Variants in VWDE observed in about 807,000 individuals in gnomAD.
VWDE encodes von Willebrand factor D and EGF domain-containing protein.
Under a neutral mutation model 178.4 loss-of-function variants are expected in VWDE, and 207 were observed. That is an observed-to-expected ratio of 1.16 (90% CI 1.04 to 1.30). The LOEUF (loss-of-function observed/expected upper bound fraction) is 1.30. Among genes scored for constraint, VWDE ranks in the 50% most tolerant of loss-of-function variants. The pLI is 0.00. For synonymous variants in VWDE, 738 were observed against 651.4 expected, an observed-to-expected ratio of 1.13 and a Z score of -2.02; for missense variants, 2,287 against 1,901.3, an observed-to-expected ratio of 1.20 and a Z score of -3.77.
At chr7:12,345,571 A>T (rs1781558830) in intron 19 of VWDE, among the ~76,000 whole-genome samples, 1 of 152,142 alleles carries the variant, frequency 6.6e-6, no homozygotes, top group African/African-American at 2.4e-5. Flanking sequence ...AGATGACACA[A>T]ACTCATCTTC....
chr7:12,368,151 T>G (rs1387539099), intron 12 of VWDE, among the ~76,000 whole-genome samples: 3 of 150,240 alleles, frequency 2.0e-5, no homozygotes, highest in Non-Finnish European at 4.4e-5. Context: ...TTTATTTATC[T>G]GTTGCTATTC....
chr7:12,347,359 T>A (rs1383876077), intron 19 of VWDE, among the ~76,000 whole-genome samples: 3 of 152,168 alleles, frequency 2.0e-5, no homozygotes, highest in Non-Finnish European at 4.4e-5. Flanking sequence ...AGCAAATGTA[T>A]GTTAGTAAAG....
rs1344118100 is a variant in VWDE at position 12,356,251 on chromosome 7, T to G, written c.3605A>C (p.Tyr1202Ser). ...GAAGCCAGGCAAGCAGACACACAGGTACACTCCACTCCCTGGAGAAAAGTT... is the reference window on the plus strand; with the variant it reads ...GAAGCCAGGCAAGCAGACACACAGGGACACTCCACTCCCTGGAGAAAAGTT... ...DRNFSPGSGV[Y>S]LCVCLPGFHG... Residue 1202 changes from tyrosine (Y) to serine (S), a missense_variant, in exon 18 of 29, where the codon TAC becomes TCC. Tyr to Ser is a moderately radical substitution (Grantham distance 144). Coordinates refer to ENST00000275358, the MANE Select transcript of VWDE (RefSeq NM_001135924.3). The G allele has an allele frequency of 1.3e-6, 2 of 1,551,388 alleles. No homozygotes were observed. The highest frequency in any genetic ancestry group is 1.7e-6 in the Non-Finnish European group (2 of 1,146,978).
chr7:12,380,059 G>A (rs1026564110), intron 5 of VWDE, among the ~76,000 whole-genome samples: 6 of 151,374 alleles, frequency 4.0e-5, no homozygotes, highest in East Asian at 3.9e-4. Flanking sequence ...CTCCGAGATC[G>A]CGCCACTGCA....
At chr7:12,354,926 G>A (rs906205109) in intron 18 of VWDE, among the ~76,000 whole-genome samples, 1 of 151,810 alleles carries the variant, frequency 6.6e-6, no homozygotes, top group Non-Finnish European at 1.5e-5. Flanking sequence ...AAGTCAGTCC[G>A]TCCTTAATCA....
At chr7:12,353,214 G>C (rs532747416) in intron 18 of VWDE, among the ~76,000 whole-genome samples, 2 of 152,300 alleles carry the variant, frequency 1.3e-5, no homozygotes, top group African/African-American at 2.4e-5. Flanking sequence ...CTAGCTGACT[G>C]AGTTTTTGGT....
At chr7:12,364,494 A>C (rs1301101016) in intron 13 of VWDE, among the ~76,000 whole-genome samples, 3 of 152,182 alleles carry the variant, frequency 2.0e-5, no homozygotes, top group African/African-American at 7.2e-5. Flanking sequence ...AATTTGTAAT[A>C]GTTCCCAATG....
chr7:12,370,284 T>C lies in VWDE; in HGVS notation c.2022A>G (p.Ser674=). Residue 674 remains serine (S), a synonymous_variant, in exon 12 of 29, where the codon TCA becomes TCG. Coordinates refer to ENST00000275358, the MANE Select transcript of VWDE (RefSeq NM_001135924.3). ...TGTTTATCTCTCTGACAAGAGTGTC[T>C]GAATTAATATATTCGGAGGTGACAT... ...ELDVTSEYIN[S]DTLVREINKH... 1 of 1,551,214 alleles carries C rather than the reference T, an allele frequency of 6.4e-7. No individual in the cohort carries two copies. The highest frequency in any genetic ancestry group is 1.7e-4 in the Middle Eastern group (1 of 5,990).
At chr7:12,361,322 A>G in intron 14 of VWDE, 44 bp downstream of exon 14, 1 of 1,541,766 alleles carries the variant, frequency 6.5e-7, no homozygotes, top group African/African-American at 1.4e-5. Flanking sequence ...AATGTTAAGT[A>G]TTTACTTTGT....
At position 12,370,006 on chromosome 7, in the gene VWDE, A is replaced by G; in HGVS notation, c.2300T>C (p.Leu767Pro). 1 of 1,551,536 alleles carries G rather than the reference A, an allele frequency of 6.4e-7. No homozygotes were observed. Among genetic ancestry groups the G allele is most frequent in the Non-Finnish European group, 8.7e-7 (1 of 1,146,910 alleles). ...EFPPLFAFPS[L>P]SQTDLEELTY... ...AAGTTCTTCCAGATCCGTTTGGCTG[A>G]GACTCGGGAAAGCAAACAAAGGAGG... Residue 767 changes from leucine (L) to proline (P), a missense_variant, in exon 12 of 29, where the codon CTC becomes CCC. Physicochemically the swap from Leu to Pro is moderately conservative, Grantham distance 98. Transcript: ENST00000275358.
chr7:12,362,871 CATG>C (rs1471173810), intron 13 of VWDE, among the ~76,000 whole-genome samples: 1 of 150,926 alleles, frequency 6.6e-6, no homozygotes, highest in African/African-American at 2.4e-5. Flanking sequence ...TCAGAGTAGT[CATG>C]ATATCTACAC....
At chr7:12,354,920 C>G (rs186544721) in intron 18 of VWDE, among the ~76,000 whole-genome samples, 71 of 151,994 alleles carry the variant, frequency 4.7e-4, no homozygotes, top group African/African-American at 1.6e-3. Flanking sequence ...TTAGGAAAGT[C>G]AGTCCGTCCT....
Position 12,359,697 on chromosome 7 carries a change from T to A in VWDE, c.3160-5A>T. The A allele has an allele frequency of 1.3e-6, 2 of 1,515,558 alleles. No individual in the cohort carries two copies. Among genetic ancestry groups the A allele is most frequent in the Non-Finnish European group, 1.8e-6 (2 of 1,125,700 alleles). The allele number at this position is 1,515,558 out of a possible 1,614,324, so 93.9% of individuals were successfully genotyped here. On this transcript the variant is annotated splice_polypyrimidine_tract_variant and splice_region_variant and intron_variant, in intron 15 of 28. Transcript: ENST00000275358. ...ATCAATAATGCAAACATTTTCCTAATGGAAAATTTTTAAAAAAGAAAACAT... is the reference window on the plus strand; with the variant it reads ...ATCAATAATGCAAACATTTTCCTAAAGGAAAATTTTTAAAAAAGAAAACAT...
chr7:12,355,377 C>A (rs1055977482), intron 18 of VWDE, among the ~76,000 whole-genome samples: 2 of 149,308 alleles, frequency 1.3e-5, no homozygotes, highest in Non-Finnish European at 3.0e-5. Context: ...GACGGCGCCA[C>A]TGCACTCCAG....
At chr7:12,341,346 A>G (rs575200257) in intron 23 of VWDE, among the ~76,000 whole-genome samples, 1 of 152,166 alleles carries the variant, frequency 6.6e-6, no homozygotes, top group Non-Finnish European at 1.5e-5. Flanking sequence ...CAAAGAAACA[A>G]GCTTACGCCG....
chr7:12,359,734 G>A (rs749147250), intron 15 of VWDE, 42 bp from the exon 16 acceptor site: 48 of 1,256,260 alleles, frequency 3.8e-5, no homozygotes, highest in African/African-American at 4.6e-5. Flanking sequence ...AAAGTACAGC[G>A]TGTAGAAAAA....
chr7:12,359,383 T>C (rs1447276328), intron 16 of VWDE, among the ~76,000 whole-genome samples, 195 bp downstream of exon 16: 2 of 152,186 alleles, frequency 1.3e-5, no homozygotes, highest in Non-Finnish European at 2.9e-5. Flanking sequence ...CTTCCATTAA[T>C]AAATCACAAA....
In VWDE at chr7:12,401,670, A is replaced by T. The variant is rs182149215; in HGVS notation, c.58+1989T>A. On this transcript the variant is annotated intron_variant, in intron 1 of 28. Transcript: ENST00000275358. ...GTGTTGATGGAAACATGAAGAAGTT[A>T]GAAGCTTTACACACTGTTGCAGAAA... 2.6e-5 allele frequency among the ~76,000 whole-genome samples: 4 copies of T among 152,322 alleles called. No individual in the cohort carries two copies. The East Asian group carries it at 7.7e-4, about 29-fold the overall frequency.
chr7:12,357,506 G>C lies in VWDE; in HGVS notation c.3284C>G (p.Pro1095Arg). 1 of 1,551,998 alleles carries C rather than the reference G, an allele frequency of 6.4e-7. No individual in the cohort carries two copies. Among genetic ancestry groups the C allele is most frequent in the Non-Finnish European group, 8.7e-7 (1 of 1,147,070 alleles). ...GTCTTGCAATGCTTGAATCACTGGG[G>C]GCTGGTTGTCTGTAATAGAGAAAAC... ...FTWSFLENNQ[P>R]PVIQALQDKL... Residue 1095 changes from proline to arginine, a missense_variant, in exon 17 of 29, where the codon CCC (proline) becomes CGC (arginine). By Grantham distance (103) the Pro-to-Arg change is moderately radical. Transcript: ENST00000275358.
Sources: gnomAD v4.1 joint callset for allele counts (sites outside exome capture counted in the v4.1 genomes callset) on GRCh38, gnomAD v4.1.1 for gene constraint, MANE v1.5 for transcripts, NCBI Gene and HGNC (gene_info 2026-07-23, HGNC 2026-07-21) for gene names.